Variants in KIAA1328 observed in about 807,000 individuals in gnomAD.
The protein encoded by KIAA1328 is KIAA1328.
In KIAA1328, 52 loss-of-function variants were observed where a neutral mutation model predicts 68.1. The observed-to-expected ratio is 0.76, with a 90% CI of 0.61 to 0.96. The LOEUF is 0.96. Among genes scored for constraint, KIAA1328 ranks in the 40% least tolerant of loss-of-function variants. The probability of loss-of-function intolerance (pLI) is 0.00; values close to 1 mark genes in which losing one functional copy is unlikely to be tolerated. For synonymous variants in KIAA1328, 232 were observed against 239.4 expected (o/e 0.97, Z 0.28); for missense variants, 641 against 677.6 (o/e 0.95, Z 0.60).
intron 5 of KIAA1328, among the ~76,000 whole-genome samples, chr18:36,894,156 A>C (rs1032946054): frequency 6.6e-6 from 1 of 152,218 alleles, no homozygotes; most frequent in East Asian, 1.9e-4. Flanking sequence ...CACTATACCA[A>C]ATTTTCTCTG....
At chr18:36,919,475 C>A (rs2049837314) in intron 5 of KIAA1328, among the ~76,000 whole-genome samples, 1 of 152,098 alleles carries the variant, frequency 6.6e-6, no homozygotes, top group African/African-American at 2.4e-5. Context: ...TTTATCCAGT[C>A]CACTGTTGAT....
chr18:36,980,804 A>T (rs1478953067), intron 6 of KIAA1328, among the ~76,000 whole-genome samples: 1 of 152,076 alleles, frequency 6.6e-6, no homozygotes, highest in African/African-American at 2.4e-5. Context: ...ATGAGTTCTG[A>T]CAGTATTATA....
chr18:36,869,165 T>A (rs2047859266), intron 4 of KIAA1328, among the ~76,000 whole-genome samples: 1 of 152,072 alleles, frequency 6.6e-6, no homozygotes, highest in African/African-American at 2.4e-5. Flanking sequence ...AAAGGAACCT[T>A]GAATTTGTTT....
chr18:37,110,792 T>C (rs753117049), intron 7 of KIAA1328, among the ~76,000 whole-genome samples: 1 of 152,246 alleles, frequency 6.6e-6, no homozygotes, highest in East Asian at 1.9e-4. Flanking sequence ...TGCAATCTTA[T>C]TGGCTTATGG....
At chr18:37,128,869 C>G (rs2058455470) in intron 7 of KIAA1328, among the ~76,000 whole-genome samples, 1 of 151,978 alleles carries the variant, frequency 6.6e-6, no homozygotes, top group Non-Finnish European at 1.5e-5. Flanking sequence ...GGGTGAACCT[C>G]AGAAGCATTA....
At chr18:36,915,032 A>G (rs898457405) in intron 5 of KIAA1328, among the ~76,000 whole-genome samples, 2 of 152,230 alleles carry the variant, frequency 1.3e-5, no homozygotes, top group Non-Finnish European at 2.9e-5. Flanking sequence ...AGCTATTCAC[A>G]AGATGATTCT....
chr18:37,138,474 C>G (rs1481595136), intron 7 of KIAA1328, among the ~76,000 whole-genome samples: 3 of 152,142 alleles, frequency 2.0e-5, no homozygotes, highest in African/African-American at 7.2e-5. Flanking sequence ...ATTATTCTAC[C>G]CAGTACATCT....
At chr18:37,148,995 A>T (rs2154209501) in intron 7 of KIAA1328, among the ~76,000 whole-genome samples, 1 of 152,278 alleles carries the variant, frequency 6.6e-6, no homozygotes, top group African/African-American at 2.4e-5. Context: ...GAAAATGGTC[A>T]TACTACCCAA....
chr18:36,897,545 T>C (rs967082157), intron 5 of KIAA1328, among the ~76,000 whole-genome samples: 2 of 152,040 alleles, frequency 1.3e-5, no homozygotes, highest in African/African-American at 4.8e-5. Flanking sequence ...ATATAGTAAT[T>C]GCCCTAGTGA....
At chr18:37,129,582 C>T (rs1390095159) in intron 7 of KIAA1328, among the ~76,000 whole-genome samples, 1 of 152,078 alleles carries the variant, frequency 6.6e-6, no homozygotes, top group Admixed American at 6.6e-5. Context: ...GAATAGAGAG[C>T]CTATTTGACC....
chr18:37,157,703 G>A (rs2059182563), intron 7 of KIAA1328, among the ~76,000 whole-genome samples: 1 of 151,380 alleles, frequency 6.6e-6, no homozygotes, highest in Non-Finnish European at 1.5e-5. Context: ...CCAGCACTCG[G>A]GAGGCTGAGG....
chr18:36,973,457 A>G (rs1277670531), intron 6 of KIAA1328, among the ~76,000 whole-genome samples: 1 of 152,154 alleles, frequency 6.6e-6, no homozygotes, highest in Non-Finnish European at 1.5e-5. Context: ...CATGTACCCT[A>G]GAACTCAAAG....
intron 8 of KIAA1328, among the ~76,000 whole-genome samples, chr18:37,166,674 G>A (rs890335903): frequency 2.0e-5 from 3 of 152,090 alleles, no homozygotes; most frequent in African/African-American, 7.2e-5. Context: ...CCTGTCTGTG[G>A]ATTCCCTAAA....
intron 6 of KIAA1328, among the ~76,000 whole-genome samples, chr18:36,976,404 G>T (rs941603277): frequency 6.6e-6 from 1 of 152,050 alleles, no homozygotes; most frequent in Non-Finnish European, 1.5e-5. Context: ...CTGAATAATT[G>T]TGAAACAAAC....
At position 37,222,401 on chromosome 18, in the gene KIAA1328, T is replaced by C; in HGVS notation, c.*174T>C. The C allele has an allele frequency of 7.0e-7, 1 of 1,437,840 alleles. No individual in the cohort carries two copies. The highest frequency in any genetic ancestry group is 9.1e-7 in the Non-Finnish European group (1 of 1,102,972). 89.1% of individuals were successfully genotyped at this position (1,437,840 alleles called of 1,614,324 possible). On this transcript the variant is annotated 3_prime_UTR_variant, in exon 10 of 10. Transcript: ENST00000280020. ...TTCTAACAACCCAGGTTATTTTCAA[T>C]CAGACCAGGCATTCGATAACACACT...
At chr18:36,990,353 TTTTA>T (rs1209093249) in intron 6 of KIAA1328, among the ~76,000 whole-genome samples, 1 of 152,046 alleles carries the variant, frequency 6.6e-6, no homozygotes. Flanking sequence ...TCTTACTAAA[TTTTA>T]TTTAGTCAAT....
Position 37,222,072 on chromosome 18 carries a change from A to G in KIAA1328, c.1579A>G (p.Lys527Glu), listed in dbSNP as rs753156600. The change falls in exon 10 of 10, where the codon AAA becomes GAA. Residue 527 changes from lysine (K) to glutamate (E), a missense_variant. Physicochemically the swap from Lys to Glu is moderately conservative, Grantham distance 56. Coordinates refer to ENST00000280020, the MANE Select transcript of KIAA1328 (RefSeq NM_020776.3). The part of the protein sequence containing the change: ...VQSLSPNSAP[K>E]PQRYPSREAG... ...GTCTCTGAGCCCAAACTCTGCGCCC[A>G]AACCTCAGCGCTATCCCTCCAGAGA... The G allele has an allele frequency of 6.2e-7, 1 of 1,613,612 alleles. No individual in the cohort carries two copies. The highest frequency in any genetic ancestry group is 1.3e-5 in the African/African-American group (1 of 74,896).
At chr18:36,832,809 C>G (rs1028428658) in intron 1 of KIAA1328, 1 of 150,330 alleles carries the variant, frequency 6.7e-6, no homozygotes, top group Non-Finnish European at 1.5e-5. Context: ...GAGATCAGGT[C>G]ATGAATAAGG....
chr18:37,205,415 TAGGTGGGAAA>T (rs2154219789), intron 9 of KIAA1328, among the ~76,000 whole-genome samples: 1 of 152,288 alleles, frequency 6.6e-6, no homozygotes, highest in East Asian at 1.9e-4. Context: ...GGTCTCTCTT[TAGGTGGGAAA>T]AGACAGGCAA....
Sources: gnomAD v4.1 joint callset for allele counts (sites outside exome capture counted in the v4.1 genomes callset) on GRCh38, gnomAD v4.1.1 for gene constraint, MANE v1.5 for transcripts, NCBI Gene and HGNC (gene_info 2026-07-23, HGNC 2026-07-21) for gene names.